DSCAM: variants seen among roughly 807,000 people sequenced by gnomAD.
DSCAM encodes cell adhesion molecule DSCAM.
Under a neutral mutation model 217.7 loss-of-function variants are expected in DSCAM, and 47 were observed. The observed-to-expected ratio is 0.22, with a 90% CI of 0.17 to 0.28. The LOEUF (loss-of-function observed/expected upper bound fraction) is 0.28, where lower values mean the gene tolerates loss of function less well. Among genes scored for constraint, DSCAM ranks in the 10% least tolerant of loss-of-function variants. DSCAM has a pLI of 1.00. For missense variants in DSCAM, 2,080 were observed against 2,618.3 expected (o/e 0.79, Z 4.49); for synonymous variants, 1,056 against 1,015.3 (o/e 1.04, Z -0.76).
intron 4 of DSCAM, among the ~76,000 whole-genome samples, chr21:40,361,685 TTAC>T (rs1171674398): frequency 9.2e-5 from 14 of 152,326 alleles, no homozygotes; most frequent in African/African-American, 2.9e-4. Context: ...CATTTTATCA[TTAC>T]ATGACTAGCA....
At chr21:40,381,062 C>CAAAAAAAAAAAAAAAAA (rs71186932) in intron 3 of DSCAM, among the ~76,000 whole-genome samples, 9 of 66,224 alleles carry the variant, frequency 1.4e-4, no homozygotes, top group African/African-American at 3.5e-4. Flanking sequence ...GACTCCGTCT[C>CAAAAAAAAAAAAAAAAA]AAAAAAAAAA....
chr21:40,262,312 G>T (rs1017968540), intron 11 of DSCAM, among the ~76,000 whole-genome samples: 2 of 152,122 alleles, frequency 1.3e-5, no homozygotes, highest in East Asian at 3.9e-4. Flanking sequence ...TTTAGATGAG[G>T]TCAGCTTCCT....
chr21:40,611,932 G>A (rs954921060), intron 3 of DSCAM, among the ~76,000 whole-genome samples: 5 of 152,232 alleles, frequency 3.3e-5, no homozygotes, highest in Non-Finnish European at 7.3e-5. Context: ...CTTGGCTTTA[G>A]CTAAACAGTG....
At chr21:40,663,066 T>TGTGAGTGTGTATGCCAGTATGTGTA (rs149885428) in intron 3 of DSCAM, among the ~76,000 whole-genome samples, 1 of 151,052 alleles carries the variant, frequency 6.6e-6, no homozygotes, top group Admixed American at 6.6e-5. Context: ...TGTGCGCACC[T>TGTGAGTGTGTATGCCAGTATGTGTA]GTGTGTATGC....
chr21:40,290,991 T>G (rs2073885009), intron 10 of DSCAM, among the ~76,000 whole-genome samples: 1 of 152,206 alleles, frequency 6.6e-6, no homozygotes, highest in African/African-American at 2.4e-5. Context: ...TTATCATTGC[T>G]TATATTGGAA....
At chr21:40,353,424 T>C (rs374958399) in intron 5 of DSCAM, 41 bp downstream of exon 5, 31 of 1,582,460 alleles carry the variant, frequency 2.0e-5, no homozygotes, top group Non-Finnish European at 2.6e-5. Flanking sequence ...GCTCCATCGA[T>C]GGAAGCCAAC....
rs574115709 is a variant in DSCAM, at chr21:40,638,072, C to T, written c.508+54738G>A. 1.1e-4 allele frequency among the ~76,000 whole-genome samples: 17 copies of T among 152,164 alleles called. No homozygotes were observed. In the South Asian group the frequency reaches 2.9e-3, roughly 26 times the overall value. On this transcript the variant is annotated intron_variant, in intron 3 of 32. Transcript: ENST00000400454. ...AAAAGTAGCTATAGTTCTATGAGAA[C>T]ATCATAGAACTTAGTCTTTCTTAGG...
intron 18 of DSCAM, among the ~76,000 whole-genome samples, chr21:40,139,051 G>T (rs1310501061): frequency 1.4e-5 from 2 of 146,064 alleles, no homozygotes; most frequent in Admixed American, 6.8e-5. Context: ...TGTTGTGTGT[G>T]TGTGTATGTA....
At chr21:40,382,315 C>T (rs765805609) in intron 3 of DSCAM, among the ~76,000 whole-genome samples, 49 of 152,118 alleles carry the variant, frequency 3.2e-4, no homozygotes, top group Non-Finnish European at 5.6e-4. Context: ...CTCATCCTGA[C>T]ATTCAGGCCA....
intron 9 of DSCAM, among the ~76,000 whole-genome samples, chr21:40,298,527 GA>G (rs1316244336): frequency 3.9e-5 from 6 of 152,120 alleles, no homozygotes; most frequent in Non-Finnish European, 4.4e-5. Flanking sequence ...TTAAGAAAAT[GA>G]AAATATATTT....
intron 3 of DSCAM, among the ~76,000 whole-genome samples, chr21:40,431,032 C>G (rs1250162413): frequency 1.3e-5 from 2 of 152,206 alleles, no homozygotes; most frequent in East Asian, 1.9e-4. Flanking sequence ...GCAAAGCAGT[C>G]TGAGAATATG....
chr21:40,442,506 ATTTTTTTTTTGTTT>A lies in DSCAM; in HGVS notation c.509-73275_509-73262del, dbSNP rs1047408845. ...AATATGATACAAATTAAGACCCCTAATTTTTTTTTTGTTTTTTTTTTTTTTTTTGGTGAGATTGG... is the reference window on the plus strand; with the variant it reads ...AATATGATACAAATTAAGACCCCTAATTTTTTTTTTTTTTGGTGAGATTGG... On this transcript the variant is annotated intron_variant, in intron 3 of 32. Coordinates refer to ENST00000400454, the MANE Select transcript of DSCAM (RefSeq NM_001389.5). 6.5e-5 allele frequency among the ~76,000 whole-genome samples: 7 copies of A among 107,100 alleles called. 1 individual carries two copies. The highest frequency in any genetic ancestry group is 2.1e-4 in the African/African-American group (6 of 28,530). The allele number at this position is 107,100 out of a possible 152,430, so 70.3% of individuals were successfully genotyped here.
chr21:40,761,504 C>A (rs55895341), intron 1 of DSCAM, among the ~76,000 whole-genome samples: 44,774 of 151,640 alleles, frequency 0.3, 7,629 homozygotes, highest in East Asian at 0.4. Context: ...CATCCACCAG[C>A]TAAGGAGAGA....
At chr21:40,324,103 C>CAAAA (rs71330393) in intron 8 of DSCAM, among the ~76,000 whole-genome samples, 76 of 27,930 alleles carry the variant, frequency 2.7e-3, no homozygotes, top group Non-Finnish European at 3.4e-3. Context: ...AACTCTGTCT[C>CAAAA]AAAAAAAAAA....
chr21:40,450,164 C>T (rs1243507796), intron 3 of DSCAM, among the ~76,000 whole-genome samples: 1 of 152,156 alleles, frequency 6.6e-6, no homozygotes, highest in African/African-American at 2.4e-5. Context: ...AAATTTTCTT[C>T]ACACCATGGC....
intron 3 of DSCAM, among the ~76,000 whole-genome samples, chr21:40,564,709 G>A (rs1479054468): frequency 6.6e-6 from 1 of 152,188 alleles, no homozygotes; most frequent in Non-Finnish European, 1.5e-5. Context: ...AACCTGCCAA[G>A]GCTAGACCCT....
chr21:40,300,962 T>G (rs1457211389), intron 9 of DSCAM, among the ~76,000 whole-genome samples: 1 of 152,232 alleles, frequency 6.6e-6, no homozygotes, highest in Non-Finnish European at 1.5e-5. Context: ...CAGTTGCCCA[T>G]AGCAGCAACC....
chr21:40,122,640 A>G (rs1032302742), intron 20 of DSCAM, among the ~76,000 whole-genome samples: 1 of 152,124 alleles, frequency 6.6e-6, no homozygotes, highest in African/African-American at 2.4e-5. Context: ...TGATAGTAGG[A>G]TTCAGTAAGT....
intron 20 of DSCAM, among the ~76,000 whole-genome samples, chr21:40,105,333 GT>G (rs1241074379): frequency 6.6e-6 from 1 of 152,098 alleles, no homozygotes; most frequent in Non-Finnish European, 1.5e-5. Flanking sequence ...TGTGATATGG[GT>G]TGGCTGTGTC....
Sources: allele counts gnomAD v4.1 joint callset (sites outside exome capture counted in the v4.1 genomes callset), GRCh38; gene constraint gnomAD v4.1.1; transcripts MANE v1.5; gene names NCBI Gene and HGNC (gene_info 2026-07-23, HGNC 2026-07-21).